MOBP: variants seen among roughly 807,000 people sequenced by gnomAD.
The protein encoded by MOBP is myelin associated oligodendrocyte basic protein.
In MOBP, 5 loss-of-function variants were observed where a neutral mutation model predicts 15.0. That is an observed-to-expected ratio of 0.33 (90% CI 0.17 to 0.70). MOBP has a LOEUF of 0.70. Among genes scored for constraint, MOBP ranks in the 30% least tolerant of loss-of-function variants. The pLI is 0.67. For missense variants in MOBP, 188 were observed against 257.8 expected (o/e 0.73, Z 1.85); for synonymous variants, 88 against 99.0 (o/e 0.89, Z 0.66).
At chr3:39,481,603 C>T (rs2042629079) in intron 2 of MOBP, among the ~76,000 whole-genome samples, 1 of 152,200 alleles carries the variant, frequency 6.6e-6, no homozygotes, top group Admixed American at 6.5e-5. Context: ...ACAAAGAACC[C>T]TTTGCAAACC....
At chr3:39,489,686 T>TCC (rs550816061) in intron 2 of MOBP, among the ~76,000 whole-genome samples, 2,312 of 150,512 alleles carry the variant, frequency 0.015, 64 homozygotes, top group African/African-American at 0.053. Flanking sequence ...GGTGTATTGT[T>TCC]CCCCGCCCAG....
downstream of MOBP, among the ~76,000 whole-genome samples, chr3:39,516,788 A>G (rs568712993): frequency 6.6e-6 from 1 of 152,316 alleles, no homozygotes; most frequent in African/African-American, 2.4e-5. Flanking sequence ...GGTGGAAGGA[A>G]TAAGAGTTGG....
intron 2 of MOBP, among the ~76,000 whole-genome samples, chr3:39,495,865 GA>G (rs1041609835): frequency 6.7e-6 from 1 of 150,298 alleles, no homozygotes; most frequent in East Asian, 1.9e-4. Context: ...CCTTACTTTT[GA>G]AAAAAAATGA....
intron 1 of MOBP, among the ~76,000 whole-genome samples, chr3:39,474,784 A>T (rs573649712): frequency 6.6e-6 from 1 of 152,218 alleles, no homozygotes; most frequent in African/African-American, 2.4e-5. Context: ...AAAATAAAAT[A>T]AAACAAGTAA....
chr3:39,474,994 A>G (rs1768198), intron 1 of MOBP, among the ~76,000 whole-genome samples: 41,604 of 152,064 alleles, frequency 0.27, 7,251 homozygotes, highest in African/African-American at 0.49. Flanking sequence ...ATATTTTACA[A>G]GTTTTACCAC....
intron 2 of MOBP, among the ~76,000 whole-genome samples, chr3:39,487,863 T>C (rs541041364): frequency 7.9e-5 from 12 of 152,290 alleles, no homozygotes; most frequent in African/African-American, 2.9e-4. Context: ...CCTTTGCCCT[T>C]CCATCGAATC....
chr3:39,524,409 C>G (rs1309996737), intron 4 of MOBP: 1 of 152,072 alleles, frequency 6.6e-6, no homozygotes, highest in Non-Finnish European at 1.5e-5. Flanking sequence ...TATAATGTCA[C>G]TAAGTACAGA....
intron 4 of MOBP, among the ~76,000 whole-genome samples, chr3:39,513,172 A>G (rs1006977788): frequency 2.0e-5 from 3 of 152,258 alleles, no homozygotes; most frequent in African/African-American, 7.2e-5. Flanking sequence ...CTCTTAAAGA[A>G]TATCTTTCCT....
At chr3:39,495,148 C>T (rs2042859255) in intron 2 of MOBP, among the ~76,000 whole-genome samples, 1 of 152,170 alleles carries the variant, frequency 6.6e-6, no homozygotes, top group Non-Finnish European at 1.5e-5. Flanking sequence ...AATGCACAGT[C>T]TTTGCAAGCA....
At chr3:39,493,678 C>G (rs2042833802) in intron 2 of MOBP, among the ~76,000 whole-genome samples, 1 of 152,184 alleles carries the variant, frequency 6.6e-6, no homozygotes, top group Non-Finnish European at 1.5e-5. Context: ...GTAAGGGTAG[C>G]ACTAAAGTTC....
chr3:39,494,793 C>T (rs1412530166), intron 2 of MOBP, among the ~76,000 whole-genome samples: 4 of 70,510 alleles, frequency 5.7e-5, no homozygotes, highest in South Asian at 5.4e-4. Context: ...CCCCCCCCCG[C>T]CCCCCGAGTT....
At chr3:39,477,748 G>A (rs1253507751) in intron 1 of MOBP, among the ~76,000 whole-genome samples, 1 of 151,762 alleles carries the variant, frequency 6.6e-6, no homozygotes, top group East Asian at 1.9e-4. Context: ...GGGATGAGAG[G>A]TGGAGGTAGA....
intron 2 of MOBP, among the ~76,000 whole-genome samples, chr3:39,494,386 A>G (rs1575302543): frequency 6.6e-6 from 1 of 151,956 alleles, no homozygotes; most frequent in African/African-American, 2.4e-5. Context: ...TCCTTCTTTG[A>G]ATGCTTACTT....
chr3:39,481,744 C>T (rs1033955806), intron 2 of MOBP, among the ~76,000 whole-genome samples: 1 of 152,226 alleles, frequency 6.6e-6, no homozygotes, highest in African/African-American at 2.4e-5. Flanking sequence ...TTCAACAACT[C>T]CATGGAATCA....
At chr3:39,470,055 T>C (rs966195261) in intron 1 of MOBP, among the ~76,000 whole-genome samples, 2 of 152,218 alleles carry the variant, frequency 1.3e-5, no homozygotes, top group Non-Finnish European at 2.9e-5. Flanking sequence ...CCTTTCTAAG[T>C]GCAACCATCT....
At position 39,498,046 on chromosome 3, in the gene MOBP, G is replaced by A. The variant is rs143297807; in HGVS notation, c.-4-4020G>A. ...CAATGTACCCATCCGGTTAGGTTAC[G>A]GTTTACTATGTACAAATAAACCGTT... On this transcript the variant is annotated intron_variant, in intron 2 of 3. Coordinates refer to ENST00000684792, the MANE Select transcript of MOBP (RefSeq NM_001393704.1). 2.0e-3 allele frequency among the ~76,000 whole-genome samples: 299 copies of A among 152,238 alleles called. 1 individual carries two copies. The highest frequency in any genetic ancestry group is 6.9e-3 in the African/African-American group (285 of 41,522).
Position 39,502,285 on chromosome 3 carries a change from C to CG in MOBP, c.206+11dup. 1 of 1,613,846 alleles carries CG rather than the reference C, an allele frequency of 6.2e-7. No individual in the cohort carries two copies. Among genetic ancestry groups the CG allele is most frequent in the Non-Finnish European group, 8.5e-7 (1 of 1,179,994 alleles). Reference sequence around the variant, plus strand: ...CCTGCCAGAAGACCAGGTAAGCGGCCGCCCAGCCCCGCGGCACCAGTTGGG... The same window carrying CG: ...CCTGCCAGAAGACCAGGTAAGCGGCCGGCCCAGCCCCGCGGCACCAGTTGGG... On this transcript the variant is annotated intron_variant, in intron 3 of 3. Transcript: ENST00000684792. This position sits in a 1 kb window ranked among gnomAD's most constrained non-coding sequence, Gnocchi z 6.3.
chr3:39,508,886 T>C (rs1180238319), intron 4 of MOBP, among the ~76,000 whole-genome samples: 1 of 152,010 alleles, frequency 6.6e-6, no homozygotes, highest in African/African-American at 2.4e-5. Context: ...CTAGAATCCC[T>C]TGCCTTCTGA....
At chr3:39,489,823 C>T (rs1245921963) in intron 2 of MOBP, among the ~76,000 whole-genome samples, 1 of 152,142 alleles carries the variant, frequency 6.6e-6, no homozygotes, top group Non-Finnish European at 1.5e-5. Context: ...GATGGCTGGC[C>T]ACTCCGAGTT....
Sources: gnomAD v4.1 joint callset for allele counts (sites outside exome capture counted in the v4.1 genomes callset) on GRCh38, gnomAD v4.1.1 for gene constraint, Gnocchi (gnomAD v3.1) non-coding constraint, MANE v1.5 for transcripts, NCBI Gene and HGNC (gene_info 2026-07-23, HGNC 2026-07-21) for gene names.